The following SYNDIG1 variants were observed in gnomAD, a reference collection of about 807,000 sequenced individuals.
The protein encoded by SYNDIG1 is synapse differentiation inducing 1.
In SYNDIG1, 9 loss-of-function variants were observed where a neutral mutation model predicts 19.4. The ratio of observed to expected loss-of-function variants is 0.46; its 90% CI spans 0.28 to 0.81. The LOEUF is 0.81. Among genes scored for constraint, SYNDIG1 ranks in the 30% least tolerant of loss-of-function variants. The pLI is 0.12. For missense variants in SYNDIG1, 311 were observed against 343.3 expected (o/e 0.91, Z 0.74); for synonymous variants, 141 against 145.9 (o/e 0.97, Z 0.24).
chr20:24,615,478 C>A (rs1438757773), intron 3 of SYNDIG1, among the ~76,000 whole-genome samples: 1 of 152,204 alleles, frequency 6.6e-6, no homozygotes, highest in Admixed American at 6.5e-5. Context: ...AACTGCCAGG[C>A]CCCTCTGTGA....
intron 2 of SYNDIG1, among the ~76,000 whole-genome samples, chr20:24,581,157 A>G (rs1224581943): frequency 1.3e-5 from 2 of 152,140 alleles, no homozygotes; most frequent in Admixed American, 6.5e-5. Context: ...CGCAGCTCAG[A>G]GCCCTGGGTG....
chr20:24,585,053 G>GCCCC, intron 3 of SYNDIG1, 60 bp downstream of exon 3: 4 of 647,988 alleles, frequency 6.2e-6, no homozygotes, highest in African/African-American at 1.9e-5. Flanking sequence ...GGGGGTGGGG[G>GCCCC]CGGCAATCCC....
At chr20:24,497,749 C>T (rs1244596997) in intron 1 of SYNDIG1, among the ~76,000 whole-genome samples, 1 of 152,198 alleles carries the variant, frequency 6.6e-6, no homozygotes, top group African/African-American at 2.4e-5. Flanking sequence ...AAAAGAAAAA[C>T]CAGGAGCTAG....
chr20:24,481,629 A>C (rs1218595561), intron 1 of SYNDIG1, among the ~76,000 whole-genome samples: 1 of 152,174 alleles, frequency 6.6e-6, no homozygotes, highest in South Asian at 2.1e-4. Flanking sequence ...TTTTGAAGGG[A>C]GGTGTGTGAA....
intron 1 of SYNDIG1, among the ~76,000 whole-genome samples, chr20:24,529,584 A>G (rs1028126130): frequency 6.6e-6 from 1 of 152,204 alleles, no homozygotes; most frequent in African/African-American, 2.4e-5. Flanking sequence ...ATTTCACATA[A>G]TTTTTGTGTG....
chr20:24,614,485 C>T (rs1274475412), intron 3 of SYNDIG1, among the ~76,000 whole-genome samples: 2 of 152,138 alleles, frequency 1.3e-5, no homozygotes, highest in African/African-American at 2.4e-5. Flanking sequence ...CCAAACCTCC[C>T]GTTCTTCAGT....
Position 24,504,974 on chromosome 20 carries a change from A to G in SYNDIG1, c.-79+35221A>G, listed in dbSNP as rs191499621. On this transcript the variant is annotated intron_variant, in intron 1 of 3. Coordinates refer to ENST00000376862, the MANE Select transcript of SYNDIG1 (RefSeq NM_024893.3). ...GATGGTAGCTTGGTCCAGGGTGACA[A>G]GGGGGAAGAATCAGTAGGACTTGTT... 1.6e-3 allele frequency among the ~76,000 whole-genome samples: 250 copies of G among 152,258 alleles called. 1 individual carries two copies. The highest frequency in any genetic ancestry group is 5.8e-3 in the African/African-American group (243 of 41,542).
intron 3 of SYNDIG1, chr20:24,597,191 G>A (rs981358429): frequency 6.6e-6 from 1 of 152,188 alleles, no homozygotes; most frequent in African/African-American, 2.4e-5. Context: ...CTCTCCCCAG[G>A]AGACAGATAA....
chr20:24,560,669 C>G (rs1185014217), intron 2 of SYNDIG1, among the ~76,000 whole-genome samples: 1 of 148,754 alleles, frequency 6.7e-6, no homozygotes, highest in African/African-American at 2.5e-5. Flanking sequence ...CCCTGCCCTG[C>G]CCCCGAGACA....
chr20:24,533,796 A>G (rs1441675824), intron 1 of SYNDIG1, among the ~76,000 whole-genome samples: 1 of 152,164 alleles, frequency 6.6e-6, no homozygotes, highest in Non-Finnish European at 1.5e-5. Context: ...TGATAGCACC[A>G]TCAATCCCTG....
chr20:24,607,000 G>A (rs74669084), intron 3 of SYNDIG1, among the ~76,000 whole-genome samples: 1,958 of 152,304 alleles, frequency 0.013, 48 homozygotes, highest in African/African-American at 0.045. Flanking sequence ...TATATGAACG[G>A]ACCTCTTTCT....
chr20:24,473,620 G>A (rs564520403), intron 1 of SYNDIG1, among the ~76,000 whole-genome samples: 263 of 152,222 alleles, frequency 1.7e-3, no homozygotes, highest in Non-Finnish European at 2.9e-3. Flanking sequence ...GGGGAGGGAC[G>A]CACTGGGGAG....
At position 24,613,407 on chromosome 20, in the gene SYNDIG1, G is replaced by T. The variant is rs542463989; in HGVS notation, c.618+28414G>T. Among the ~76,000 whole-genome samples, 5 of 152,256 alleles carry T rather than the reference G, an allele frequency of 3.3e-5. No individual in the cohort carries two copies. The East Asian group carries it at 5.8e-4, about 18-fold the overall frequency. On this transcript the variant is annotated intron_variant, in intron 3 of 3. Transcript: ENST00000376862. ...GAACAGAGCTGCATGCCCAGATTTG[G>T]TGCAGTCTCCTTGCTGGCCTCACAA...
At chr20:24,622,401 G>A (rs116088637) in intron 3 of SYNDIG1, among the ~76,000 whole-genome samples, 378 of 152,314 alleles carry the variant, frequency 2.5e-3, no homozygotes, top group African/African-American at 8.8e-3. Flanking sequence ...GTGTAACACA[G>A]GGGTCTCCAA....
intron 1 of SYNDIG1, among the ~76,000 whole-genome samples, chr20:24,532,452 G>T (rs992410923): frequency 2.6e-5 from 4 of 152,154 alleles, no homozygotes; most frequent in Non-Finnish European, 5.9e-5. Flanking sequence ...GTTTGCCAGG[G>T]GCTGGGGAAA....
intron 3 of SYNDIG1, among the ~76,000 whole-genome samples, chr20:24,616,614 G>A (rs962915210): frequency 2.0e-5 from 3 of 152,216 alleles, no homozygotes; most frequent in Non-Finnish European, 2.9e-5. Flanking sequence ...GCAGCTCCCA[G>A]GAGAAGGCGC....
intron 1 of SYNDIG1, among the ~76,000 whole-genome samples, chr20:24,532,245 A>AC (rs1405331812): frequency 6.6e-6 from 1 of 152,198 alleles, no homozygotes; most frequent in Non-Finnish European, 1.5e-5. Flanking sequence ...ATTTCCCCCC[A>AC]CAATGAAAGC....
intron 1 of SYNDIG1, among the ~76,000 whole-genome samples, chr20:24,521,066 T>C (rs1436667439): frequency 1.3e-5 from 2 of 152,240 alleles, no homozygotes; most frequent in Non-Finnish European, 2.9e-5. Context: ...AATCATACAG[T>C]ATTTGACCTT....
At chr20:24,665,302 C>T (rs764152706) in intron 3 of SYNDIG1, 44 bp from the exon 4 acceptor site, 7 of 1,566,802 alleles carry the variant, frequency 4.5e-6, no homozygotes, top group Non-Finnish European at 6.0e-6. Flanking sequence ...CTGCTTGTTC[C>T]GACTTGCTTA....
Sources: allele counts gnomAD v4.1 joint callset (sites outside exome capture counted in the v4.1 genomes callset), GRCh38; gene constraint gnomAD v4.1.1; transcripts MANE v1.5; gene names NCBI Gene and HGNC (gene_info 2026-07-23, HGNC 2026-07-21).